Variants in LYPLAL1 observed in about 807,000 individuals in gnomAD.
The protein encoded by LYPLAL1 is lysophospholipase-like protein 1.
Under a neutral mutation model 19.7 loss-of-function variants are expected in LYPLAL1, and 23 were observed. That is an observed-to-expected ratio of 1.17 (90% confidence interval 0.84 to 1.65). The LOEUF (loss-of-function observed/expected upper bound fraction) is 1.65, where lower values mean the gene tolerates loss of function less well. Among genes scored for constraint, LYPLAL1 ranks in the 40% most tolerant of loss-of-function variants. The pLI, the probability that LYPLAL1 is intolerant of heterozygous loss-of-function variation, is 0.00. For missense variants in LYPLAL1, 355 were observed against 279.4 expected (o/e 1.27, Z -1.93); for synonymous variants, 119 against 96.3 (o/e 1.24, Z -1.38).
intron 3 of LYPLAL1, among the ~76,000 whole-genome samples, chr1:219,209,159 G>A (rs1275578956): frequency 6.6e-6 from 1 of 152,060 alleles, no homozygotes; most frequent in Non-Finnish European, 1.5e-5. Context: ...CTTGTCCATG[G>A]TGGGCTACTG....
the LYPLAL1 span, among the ~76,000 whole-genome samples, chr1:219,228,125 T>C: frequency 6.6e-6 from 1 of 152,134 alleles, no homozygotes; most frequent in African/African-American, 2.4e-5. Context: ...AGAAACCATC[T>C]CTTTTCCTGG....
At chr1:219,387,311 T>C in the LYPLAL1 span, among the ~76,000 whole-genome samples, 4 of 152,236 alleles carry the variant, frequency 2.6e-5, no homozygotes, top group Non-Finnish European at 5.9e-5. Flanking sequence ...AAAAATTTTA[T>C]ATGTACATGT....
chr1:219,390,244 C>G, the LYPLAL1 span, among the ~76,000 whole-genome samples: 2 of 152,184 alleles, frequency 1.3e-5, no homozygotes, highest in Non-Finnish European at 2.9e-5. Flanking sequence ...GCCTCAAAGT[C>G]TCTCCCTGCC....
the LYPLAL1 span, among the ~76,000 whole-genome samples, chr1:219,289,133 A>G: frequency 7.3e-6 from 1 of 136,510 alleles, no homozygotes; most frequent in African/African-American, 2.7e-5. Flanking sequence ...GGACCCGAGG[A>G]TGTGTAACTG....
the LYPLAL1 span, among the ~76,000 whole-genome samples, chr1:219,234,272 T>C: frequency 6.6e-6 from 1 of 152,148 alleles, no homozygotes; most frequent in Non-Finnish European, 1.5e-5. Context: ...TATTTTTGCT[T>C]CAAATCAAAA....
At chr1:219,344,725 T>G in the LYPLAL1 span, among the ~76,000 whole-genome samples, 1 of 152,192 alleles carries the variant, frequency 6.6e-6, no homozygotes, top group Non-Finnish European at 1.5e-5. Context: ...GTTAAATAGT[T>G]TCTATAATAA....
At chr1:219,257,353 G>GTTTTTTTTTTTTT in the LYPLAL1 span, among the ~76,000 whole-genome samples, 6 of 132,576 alleles carry the variant, frequency 4.5e-5, 2 homozygotes, top group Non-Finnish European at 6.4e-5. Context: ...ATCCATACCA[G>GTTTTTTTTTTTTT]TTTTTGTTTT....
chr1:219,297,024 T>C, the LYPLAL1 span, among the ~76,000 whole-genome samples: 1 of 152,214 alleles, frequency 6.6e-6, no homozygotes, highest in African/African-American at 2.4e-5. Flanking sequence ...GATTTCTCCT[T>C]GTTTGAGGTG....
At chr1:219,191,413 A>G (rs1237481638) in intron 2 of LYPLAL1, among the ~76,000 whole-genome samples, 2 of 151,760 alleles carry the variant, frequency 1.3e-5, no homozygotes, top group Middle Eastern at 6.8e-3. Flanking sequence ...AGGATATAAT[A>G]TAGCCATTAA....
the LYPLAL1 span, among the ~76,000 whole-genome samples, chr1:219,431,548 C>G: frequency 6.6e-6 from 1 of 152,194 alleles, no homozygotes; most frequent in Non-Finnish European, 1.5e-5. Context: ...GACGGTGTGG[C>G]TCTGCCACTG....
chr1:219,439,106 G>C, the LYPLAL1 span, among the ~76,000 whole-genome samples: 1 of 151,878 alleles, frequency 6.6e-6, no homozygotes, highest in Non-Finnish European at 1.5e-5. Context: ...TGCTTGTCTT[G>C]CTCTACACTC....
intron 3 of LYPLAL1, among the ~76,000 whole-genome samples, chr1:219,210,182 G>T (rs887471986): frequency 3.3e-5 from 5 of 152,122 alleles, no homozygotes; most frequent in African/African-American, 1.2e-4. Flanking sequence ...TGCAGTGTGA[G>T]GGTTTCTGTA....
At chr1:219,228,142 C>T in the LYPLAL1 span, among the ~76,000 whole-genome samples, 2 of 152,192 alleles carry the variant, frequency 1.3e-5, no homozygotes, top group African/African-American at 4.8e-5. Context: ...CTGGCTGTTT[C>T]TTGAGAGTGA....
chr1:219,249,048 C>G, the LYPLAL1 span, among the ~76,000 whole-genome samples: 1 of 151,926 alleles, frequency 6.6e-6, no homozygotes, highest in African/African-American at 2.4e-5. Flanking sequence ...CTCTTTTTCT[C>G]TCTGGTGTGT....
chr1:219,261,834 T>G, the LYPLAL1 span, among the ~76,000 whole-genome samples: 1 of 152,198 alleles, frequency 6.6e-6, no homozygotes, highest in Non-Finnish European at 1.5e-5. Flanking sequence ...TAGGTGATGA[T>G]CTTTTTGCAA....
chr1:219,411,061 A>G, the LYPLAL1 span, among the ~76,000 whole-genome samples: 3 of 152,222 alleles, frequency 2.0e-5, no homozygotes, highest in South Asian at 6.2e-4. Flanking sequence ...ACTGGCAGGC[A>G]GCTCCACCTG....
chr1:219,233,823 T>A, the LYPLAL1 span, among the ~76,000 whole-genome samples: 2 of 151,302 alleles, frequency 1.3e-5, no homozygotes, highest in Non-Finnish European at 2.9e-5. Context: ...GCACTTTAAA[T>A]AAAAAAGGCC....
the LYPLAL1 span, among the ~76,000 whole-genome samples, chr1:219,256,426 T>C: frequency 7.8e-6 from 1 of 128,622 alleles, no homozygotes; most frequent in Non-Finnish European, 1.7e-5. Flanking sequence ...AATTTGAGCT[T>C]TGCTTCTCTC....
intron 2 of LYPLAL1, among the ~76,000 whole-genome samples, chr1:219,180,897 A>G (rs909625678): frequency 2.6e-5 from 4 of 152,150 alleles, no homozygotes; most frequent in African/African-American, 9.7e-5. Flanking sequence ...TGCTGTTGTG[A>G]TTTAGTAAAA....
Sources: allele counts gnomAD v4.1 joint callset (sites outside exome capture counted in the v4.1 genomes callset), GRCh38; gene constraint gnomAD v4.1.1; transcripts MANE v1.5; gene names NCBI Gene and HGNC (gene_info 2026-07-23, HGNC 2026-07-21).